Variants in ALMS1 observed in about 807,000 individuals in gnomAD.
ALMS1 encodes centrosome-associated protein ALMS1.
ALMS1 carries 271 observed loss-of-function variants against 352.2 expected under a neutral mutation model. The observed-to-expected ratio is 0.77, with a 90% confidence interval of 0.70 to 0.85. The LOEUF (loss-of-function observed/expected upper bound fraction) is 0.85, where lower values mean the gene tolerates loss of function less well. ALMS1 is among the 40% of genes least tolerant of loss of function. The probability of loss-of-function intolerance (pLI) is 0.00; values close to 1 mark genes in which losing one functional copy is unlikely to be tolerated. For synonymous variants in ALMS1, 1,865 were observed against 1,761.2 expected, an observed-to-expected ratio of 1.06 and a Z score of -1.48; for missense variants, 5,445 against 4,870.7, an observed-to-expected ratio of 1.12 and a Z score of -3.51.
chr2:73,579,910 T>C (rs1675137694), intron 16 of ALMS1, among the ~76,000 whole-genome samples: 1 of 152,190 alleles, frequency 6.6e-6, no homozygotes, highest in Non-Finnish European at 1.5e-5. Flanking sequence ...TTTAGATTAA[T>C]GTTTTCCCCT....
Position 73,559,042 on chromosome 2 carries a change from C to T in ALMS1, c.10284C>T (p.Asp3428=). The part of the protein sequence containing the change: ...VGDPEMKNLP[D]TKAITQKEEI... ...ACCCAGAAATGAAGAACTTGCCAGA[C>T]ACTAAAGCCATTACACAGAAAGAGG... is the stretch of plus-strand genomic sequence containing the variant. The change falls in exon 15 of 23, where the codon GAC becomes GAT. Residue 3428 remains aspartate, a synonymous_variant. Transcript: ENST00000613296. 6.2e-7 allele frequency: 1 copy of T among 1,614,042 alleles called. No individual in the cohort carries two copies. Among genetic ancestry groups the T allele is most frequent in the Non-Finnish European group, 8.5e-7 (1 of 1,179,948 alleles).
intron 1 of ALMS1, among the ~76,000 whole-genome samples, chr2:73,386,468 C>T (rs1325436190): frequency 1.3e-5 from 2 of 152,158 alleles, no homozygotes; most frequent in African/African-American, 4.8e-5. Flanking sequence ...CCGTGAGAAA[C>T]GCTGAGAGAG....
In ALMS1 at chr2:73,448,736, G is replaced by T; in HGVS notation, c.2209G>T (p.Glu737Ter). Residue 737 changes from glutamate (E) to a stop codon, truncating the protein, a stop_gained, in exon 8 of 23, where the codon GAA becomes TAA. Coordinates refer to ENST00000613296, the MANE Select transcript of ALMS1 (RefSeq NM_001378454.1). LOFTEE classifies it high-confidence loss of function. ...AGAGTTCGCAGACAGTCATCAAACT[G>T]AAGAGACTCTTACTAAAGTTTCAGC... Reference protein sequence around the residue: ...QQEFADSHQTEETLTKVSATP... With the variant: ...QQEFADSHQT 1 of 1,605,380 alleles carries T rather than the reference G, an allele frequency of 6.2e-7. No individual in the cohort carries two copies. The highest frequency in any genetic ancestry group is 8.5e-7 in the Non-Finnish European group (1 of 1,174,212).
At chr2:73,592,039 A>G (rs1675445789) in intron 16 of ALMS1, among the ~76,000 whole-genome samples, 1 of 152,206 alleles carries the variant, frequency 6.6e-6, no homozygotes, top group Non-Finnish European at 1.5e-5. Context: ...CATTGACTGT[A>G]ATAATTTCCA....
intron 15 of ALMS1, among the ~76,000 whole-genome samples, chr2:73,567,901 GTCT>G (rs1483099176): frequency 6.6e-6 from 1 of 152,074 alleles, no homozygotes; most frequent in Non-Finnish European, 1.5e-5. Flanking sequence ...AAATTAAAGT[GTCT>G]TCATGGTAGA....
intron 9 of ALMS1, among the ~76,000 whole-genome samples, chr2:73,484,019 C>G (rs1421146087): frequency 6.6e-6 from 1 of 151,596 alleles, no homozygotes; most frequent in Non-Finnish European, 1.5e-5. Context: ...GGTCTTGACT[C>G]TTTATCCAAT....
At chr2:73,573,496 C>G in intron 16 of ALMS1, 72 bp downstream of exon 16, 2 of 1,526,824 alleles carry the variant, frequency 1.3e-6, no homozygotes, top group Non-Finnish European at 1.8e-6. Flanking sequence ...GCTTTGCACA[C>G]AGGTGAAAAA....
intron 4 of ALMS1, 73 bp from the exon 5 acceptor site, chr2:73,424,357 T>G: frequency 1.0e-6 from 1 of 979,136 alleles, no homozygotes; most frequent in Non-Finnish European, 1.4e-6. Flanking sequence ...ACATATGTAT[T>G]TTTGTGTTAG....
intron 9 of ALMS1, among the ~76,000 whole-genome samples, chr2:73,479,419 C>T (rs1048401123): frequency 6.6e-6 from 1 of 152,090 alleles, no homozygotes; most frequent in African/African-American, 2.4e-5. Flanking sequence ...CTAATTTGTT[C>T]CTTTGTTTCT....
intron 9 of ALMS1, among the ~76,000 whole-genome samples, chr2:73,480,180 C>A (rs1343325621): frequency 1.3e-5 from 2 of 151,998 alleles, no homozygotes; most frequent in African/African-American, 4.8e-5. Context: ...CACCCACTAA[C>A]TTGTCATCTA....
intron 9 of ALMS1, among the ~76,000 whole-genome samples, chr2:73,476,280 A>T (rs779006976): frequency 1.3e-5 from 2 of 152,070 alleles, no homozygotes; most frequent in Non-Finnish European, 2.9e-5. Flanking sequence ...CACAAACAAA[A>T]GTTTATCCAT....
chr2:73,465,469 C>G (rs1378769372), intron 9 of ALMS1, among the ~76,000 whole-genome samples: 1 of 152,166 alleles, frequency 6.6e-6, no homozygotes, highest in African/African-American at 2.4e-5. Flanking sequence ...CTTCCTTACA[C>G]CGTATACAAA....
rs145241011 is a variant in ALMS1, at chr2:73,493,977, G to T, written c.9539+2479G>T. Among the ~76,000 whole-genome samples the T allele has an allele frequency of 9.7e-4, 148 of 152,294 alleles. 1 individual carries two copies. The highest frequency in any genetic ancestry group is 2.7e-3 in the South Asian group (13 of 4,828). ...CTTCTGGCTTAGGTTGTCTCAGAAC[G>T]TTGCAAACAAGGTATTGGCTGCAAA... is the stretch of plus-strand genomic sequence containing the variant. On this transcript the variant is annotated intron_variant, in intron 10 of 22. Coordinates refer to ENST00000613296, the MANE Select transcript of ALMS1 (RefSeq NM_001378454.1).
At chr2:73,430,145 C>G (rs995540695) in intron 6 of ALMS1, among the ~76,000 whole-genome samples, 1 of 150,042 alleles carries the variant, frequency 6.7e-6, no homozygotes, top group African/African-American at 2.5e-5. Context: ...GGTGCGGTCT[C>G]AGCTCACTGC....
chr2:73,489,355 G>A (rs1445801606), intron 9 of ALMS1, among the ~76,000 whole-genome samples: 2 of 152,172 alleles, frequency 1.3e-5, no homozygotes, highest in Admixed American at 1.3e-4. Flanking sequence ...AGAAAGGTGA[G>A]AATACTTACT....
At chr2:73,550,099 A>G (rs1019464569) in intron 12 of ALMS1, among the ~76,000 whole-genome samples, 168 bp from the exon 13 acceptor site, 5 of 152,162 alleles carry the variant, frequency 3.3e-5, no homozygotes, top group Admixed American at 1.3e-4. Flanking sequence ...ACCTCAGGCA[A>G]TCCGCCTGCC....
chr2:73,534,519 C>T (rs1403875373), intron 11 of ALMS1, among the ~76,000 whole-genome samples: 2 of 152,058 alleles, frequency 1.3e-5, no homozygotes, highest in East Asian at 3.8e-4. Context: ...AACTGTTTCC[C>T]CTGCATTTAA....
intron 9 of ALMS1, among the ~76,000 whole-genome samples, chr2:73,485,521 C>T (rs1488932101): frequency 2.6e-5 from 4 of 151,722 alleles, no homozygotes; most frequent in Non-Finnish European, 4.4e-5. Context: ...GTTACTGCTG[C>T]TTTTTGTTTG....
chr2:73,525,076 A>AT (rs896371127), intron 11 of ALMS1, among the ~76,000 whole-genome samples: 5 of 151,616 alleles, frequency 3.3e-5, no homozygotes, highest in South Asian at 2.1e-4. Context: ...GGATCTCATT[A>AT]TTTTTTTTGG....
Sources: allele counts gnomAD v4.1 joint callset (sites outside exome capture counted in the v4.1 genomes callset), GRCh38; gene constraint gnomAD v4.1.1; transcripts MANE v1.5; gene names NCBI Gene and HGNC (gene_info 2026-07-23, HGNC 2026-07-21).